WDR19: variants seen among roughly 807,000 people sequenced by gnomAD.
The protein encoded by WDR19 is WD repeat-containing protein 19.
In WDR19, 121 loss-of-function variants were observed where a neutral mutation model predicts 180.0. The observed-to-expected ratio is 0.67, with a 90% confidence interval of 0.58 to 0.78. The LOEUF (loss-of-function observed/expected upper bound fraction) is 0.78. Among genes scored for constraint, WDR19 ranks in the 30% least tolerant of loss-of-function variants. WDR19 has a pLI of 0.00. For missense variants in WDR19, 1,450 were observed against 1,640.7 expected (o/e 0.88, Z 2.01); for synonymous variants, 497 against 540.7 (o/e 0.92, Z 1.12).
intron 14 of WDR19, among the ~76,000 whole-genome samples, chr4:39,220,399 A>G (rs1321742430): frequency 6.6e-6 from 1 of 151,958 alleles, no homozygotes; most frequent in African/African-American, 2.4e-5. Flanking sequence ...GCTTACTACA[A>G]TCACAACCTC....
chr4:39,214,208 G>A (rs561366711), intron 9 of WDR19, among the ~76,000 whole-genome samples: 3 of 152,172 alleles, frequency 2.0e-5, no homozygotes, highest in African/African-American at 7.2e-5. Flanking sequence ...CTCTGGGCAG[G>A]GGAGAAAGGG....
chr4:39,250,393 CA>C (rs1733030594), intron 24 of WDR19, among the ~76,000 whole-genome samples: 2 of 152,142 alleles, frequency 1.3e-5, no homozygotes, highest in African/African-American at 4.8e-5. Flanking sequence ...AACCCACAGC[CA>C]ATATCATACT....
chr4:39,185,888 T>C, intron 2 of WDR19, 71 bp downstream of exon 2: 1 of 1,183,152 alleles, frequency 8.5e-7, no homozygotes, highest in South Asian at 1.7e-5. Flanking sequence ...TCAGTAGAAG[T>C]TTTTTTTGTT....
chr4:39,251,282 G>A (rs1356835660), intron 24 of WDR19, among the ~76,000 whole-genome samples: 1 of 152,140 alleles, frequency 6.6e-6, no homozygotes, highest in Non-Finnish European at 1.5e-5. Context: ...TTAATAAATG[G>A]TGCTGGGAAA....
chr4:39,236,806 CT>C (rs1005789439), intron 20 of WDR19, among the ~76,000 whole-genome samples: 14 of 152,136 alleles, frequency 9.2e-5, no homozygotes, highest in African/African-American at 3.1e-4. Context: ...ATAATCTATT[CT>C]GAGAAATTTA....
chr4:39,232,316 G>GT lies in WDR19; in HGVS notation c.2253+45dup, dbSNP rs764026944. The stretch of plus-strand genomic sequence containing the variant: ...ATGGAAATTGTGTAAGAGGTATCCA[G>GT]TGGGGAAATGGGGGAAAAAAAAATG... On this transcript the variant is annotated intron_variant, in intron 19 of 36. Transcript: ENST00000399820. 4 of 1,499,004 alleles carry GT rather than the reference G, an allele frequency of 2.7e-6. No individual in the cohort carries two copies. In the South Asian group the frequency reaches 4.9e-5, roughly 18 times the overall value. 92.9% of individuals were successfully genotyped at this position (1,499,004 alleles called of 1,614,324 possible). A position where few individuals can be genotyped will look rare whatever the true frequency, so the allele number is the denominator to read the frequency against.
intron 32 of WDR19, chr4:39,273,836 G>A (rs1735629342): frequency 6.6e-6 from 1 of 152,152 alleles, no homozygotes; most frequent in Non-Finnish European, 1.5e-5. Flanking sequence ...CCTCTGAAAA[G>A]GCCTCACTAT....
chr4:39,229,155 A>G (rs1025947046), intron 17 of WDR19, among the ~76,000 whole-genome samples: 3 of 152,176 alleles, frequency 2.0e-5, no homozygotes, highest in Admixed American at 6.5e-5. Context: ...GTAGTATTCC[A>G]TAGTGTGTAT....
intron 24 of WDR19, among the ~76,000 whole-genome samples, chr4:39,252,889 A>G (rs1009770924): frequency 2.6e-5 from 4 of 152,176 alleles, no homozygotes; most frequent in African/African-American, 7.2e-5. Flanking sequence ...AAACAGTAAA[A>G]TGTTTAAAAA....
chr4:39,229,573 T>C (rs1480817415), intron 17 of WDR19, among the ~76,000 whole-genome samples: 1 of 152,204 alleles, frequency 6.6e-6, no homozygotes, highest in African/African-American at 2.4e-5. Flanking sequence ...TTTTCTCTTA[T>C]CTCCTAGAGC....
At chr4:39,190,310 C>T (rs1726017626) in intron 4 of WDR19, among the ~76,000 whole-genome samples, 1 of 152,116 alleles carries the variant, frequency 6.6e-6, no homozygotes, top group Non-Finnish European at 1.5e-5. Flanking sequence ...GATTGGTACT[C>T]CCACCAAGTG....
chr4:39,243,248 T>A (rs939626049), intron 21 of WDR19, among the ~76,000 whole-genome samples: 41 of 152,224 alleles, frequency 2.7e-4, no homozygotes, highest in Admixed American at 1.3e-4. Context: ...GCTAAATTGC[T>A]GTTCAAAAGA....
chr4:39,208,550 G>A (rs764988990), intron 9 of WDR19, among the ~76,000 whole-genome samples: 3 of 151,928 alleles, frequency 2.0e-5, no homozygotes, highest in Non-Finnish European at 2.9e-5. Flanking sequence ...TGATCCACCC[G>A]CCTTAGCCTC....
In WDR19 at chr4:39,228,302, T is replaced by A. The variant is rs779309885; in HGVS notation, c.1722T>A (p.Ile574=). 38 of 1,613,536 alleles carry A rather than the reference T, an allele frequency of 2.4e-5. No homozygotes were observed. Among genetic ancestry groups the A allele is most frequent in the Non-Finnish European group, 3.1e-5 (37 of 1,179,638 alleles). ...GGCCAATGGATAAAGGTGTATTTAT[T>A]GCTTATGATGATGATAAGGTGTACA... ...ENWPMDKGVF[I]AYDDDKVYTY... The change falls in exon 16 of 37, where the codon ATT becomes ATA. Residue 574 remains isoleucine, a synonymous_variant. Transcript: ENST00000399820.
intron 17 of WDR19, 74 bp downstream of exon 17, chr4:39,228,764 T>C: frequency 3.5e-6 from 5 of 1,424,642 alleles, no homozygotes; most frequent in Non-Finnish European, 4.7e-6. Flanking sequence ...CTATAATTAT[T>C]CTATCTTATT....
chr4:39,255,108 G>A (rs1446330419), intron 26 of WDR19, among the ~76,000 whole-genome samples: 1 of 152,114 alleles, frequency 6.6e-6, no homozygotes, highest in African/African-American at 2.4e-5. Flanking sequence ...GGCAACTTTA[G>A]AATTGCCAAT....
At chr4:39,261,067 C>T (rs1247892412) in intron 28 of WDR19, among the ~76,000 whole-genome samples, 1 of 151,644 alleles carries the variant, frequency 6.6e-6, no homozygotes. Context: ...GATCTTGGCT[C>T]ACTGCAAACT....
chr4:39,188,509 T>C (rs1725798148), intron 3 of WDR19, among the ~76,000 whole-genome samples: 1 of 151,618 alleles, frequency 6.6e-6, no homozygotes, highest in African/African-American at 2.4e-5. Context: ...AGCCCTGGAA[T>C]TCGAGGTTAT....
At chr4:39,182,880 C>A (rs1033650011) in intron 1 of WDR19, among the ~76,000 whole-genome samples, 1 of 152,108 alleles carries the variant, frequency 6.6e-6, no homozygotes, top group Non-Finnish European at 1.5e-5. Flanking sequence ...ACCCCAGCTT[C>A]GCACGCGGAA....
Sources: gnomAD v4.1 joint callset for allele counts (sites outside exome capture counted in the v4.1 genomes callset) on GRCh38, gnomAD v4.1.1 for gene constraint, MANE v1.5 for transcripts, NCBI Gene and HGNC (gene_info 2026-07-23, HGNC 2026-07-21) for gene names.